PPIP5K2: variants seen among roughly 807,000 people sequenced by gnomAD.
The protein encoded by PPIP5K2 is inositol hexakisphosphate and diphosphoinositol-pentakisphosphate kinase 2.
PPIP5K2 carries 105 observed loss-of-function variants against 154.6 expected under a neutral mutation model. The ratio of observed to expected loss-of-function variants is 0.68; its 90% CI spans 0.58 to 0.80. PPIP5K2 has a LOEUF of 0.80. PPIP5K2 is among the 30% of genes least tolerant of loss of function. The probability of loss-of-function intolerance (pLI) is 0.00; values close to 1 mark genes in which losing one functional copy is unlikely to be tolerated. For missense variants in PPIP5K2, 992 were observed against 1,504.6 expected, an observed-to-expected ratio of 0.66 and a Z score of 5.64; for synonymous variants, 480 against 490.3, an observed-to-expected ratio of 0.98 and a Z score of 0.28.
At chr5:103,170,282 C>T (rs1331318691) in intron 19 of PPIP5K2, among the ~76,000 whole-genome samples, 2 of 151,444 alleles carry the variant, frequency 1.3e-5, no homozygotes, top group African/African-American at 2.4e-5. Flanking sequence ...TAGTATGTTA[C>T]GAAGGAGTTG....
At chr5:103,181,645 T>C (rs1232068831) in intron 24 of PPIP5K2, among the ~76,000 whole-genome samples, 2 of 151,900 alleles carry the variant, frequency 1.3e-5, no homozygotes, top group Non-Finnish European at 2.9e-5. Flanking sequence ...AGGAAGAAAT[T>C]AAGATAGAAC....
chr5:103,212,150 A>C lies in PPIP5K2; in HGVS notation c.*10516A>C, dbSNP rs781935728. On this transcript the variant is annotated 3_prime_UTR_variant, in exon 31 of 31. Transcript: ENST00000358359. The stretch of plus-strand genomic sequence containing the variant: ...TGCTGGAATTGGGCTCCATTCACAA[A>C]GGAGGGAGCAGGAAAGGGTTTCTCT... 28 of 152,122 alleles carry C rather than the reference A, an allele frequency of 1.8e-4. No homozygotes were observed. Among genetic ancestry groups the C allele is most frequent in the Non-Finnish European group, 3.4e-4 (23 of 68,004 alleles). The allele number at this position is 152,122 out of a possible 1,614,324, so 9.4% of individuals were successfully genotyped here.
At chr5:103,186,151 A>G (rs1307160495) in intron 26 of PPIP5K2, among the ~76,000 whole-genome samples, 169 bp from the exon 27 acceptor site, 1 of 152,140 alleles carries the variant, frequency 6.6e-6, no homozygotes, top group African/African-American at 2.4e-5. Context: ...GAAGTATTGT[A>G]TTAAAACTGA....
In PPIP5K2 at chr5:103,202,899, T is replaced by C. The variant is rs782511766; in HGVS notation, c.*1265T>C. 2.6e-5 allele frequency: 4 copies of C among 152,546 alleles called. No individual in the cohort carries two copies. Among genetic ancestry groups the C allele is most frequent in the African/African-American group, 2.4e-5 (1 of 41,450 alleles). The allele number at this position is 152,546 out of a possible 1,614,324, so 9.4% of individuals were successfully genotyped here. A position where few individuals can be genotyped will look rare whatever the true frequency, so the allele number is the denominator to read the frequency against. ...ATTTCCCATGGTATGAATATAACTA[T>C]TGTAATTCTTCAAATGAGACTCTTC... On this transcript the variant is annotated 3_prime_UTR_variant, in exon 31 of 31. Coordinates refer to ENST00000358359, the MANE Select transcript of PPIP5K2 (RefSeq NM_001276277.3).
intron 21 of PPIP5K2, chr5:103,177,027 G>A (rs2149722003): frequency 3.1e-6 from 2 of 652,056 alleles, no homozygotes; most frequent in East Asian, 6.3e-5. Flanking sequence ...ATGATGGTGG[G>A]AAAAAATGGC....
intron 17 of PPIP5K2, among the ~76,000 whole-genome samples, chr5:103,165,709 A>G (rs1012813780): frequency 6.6e-6 from 1 of 152,130 alleles, no homozygotes; most frequent in Non-Finnish European, 1.5e-5. Context: ...ATACAAATGG[A>G]TAACTCGTTT....
intron 21 of PPIP5K2, among the ~76,000 whole-genome samples, chr5:103,176,477 G>A (rs1002056947): frequency 5.3e-5 from 8 of 151,392 alleles, no homozygotes; most frequent in African/African-American, 1.5e-4. Flanking sequence ...ATGCATGTGC[G>A]CACACACACA....
intron 28 of PPIP5K2, among the ~76,000 whole-genome samples, chr5:103,189,545 GC>G (rs1334684862): frequency 6.6e-6 from 1 of 152,062 alleles, no homozygotes; most frequent in Non-Finnish European, 1.5e-5. Context: ...AGTTGTGCAA[GC>G]CTAATTTCTT....
chr5:103,128,541 G>A (rs1790098084), intron 1 of PPIP5K2, among the ~76,000 whole-genome samples: 1 of 152,026 alleles, frequency 6.6e-6, no homozygotes, highest in East Asian at 1.9e-4. Context: ...CAAGTAGCTG[G>A]GATTACAGGT....
intron 30 of PPIP5K2, among the ~76,000 whole-genome samples, chr5:103,197,871 C>G (rs1802360927): frequency 6.6e-6 from 1 of 151,564 alleles, no homozygotes; most frequent in Non-Finnish European, 1.5e-5. Context: ...AGCCACCGCA[C>G]CCAGCCTTAA....
Position 103,173,954 on chromosome 5 carries a change from C to T in PPIP5K2, c.2511C>T (p.Arg837=), listed in dbSNP as rs782510080. The T allele has an allele frequency of 1.9e-6, 3 of 1,590,700 alleles. No homozygotes were observed. Among genetic ancestry groups the T allele is most frequent in the African/African-American group, 2.7e-5 (2 of 74,316 alleles). The change falls in exon 21 of 31, where the codon CGC becomes CGT. Residue 837 remains arginine (R), a synonymous_variant. Coordinates refer to ENST00000358359, the MANE Select transcript of PPIP5K2 (RefSeq NM_001276277.3). ...SHVHSLLSIL[R]YGALCNESKD... is the part of the protein sequence containing the mutation. ...TACATTCTTTGCTGTCTATTCTTCG[C>T]TATGGTGCCTTATGCAATGTAAGTA...
At chr5:103,189,160 T>C (rs1554226083) in intron 28 of PPIP5K2, 1 of 1,523,254 alleles carries the variant, frequency 6.6e-7, no homozygotes, top group South Asian at 1.2e-5. Context: ...TCTGGGCCTC[T>C]GTGCAGAACA....
At chr5:103,156,114 A>C in intron 14 of PPIP5K2, 120 bp downstream of exon 14, 1 of 622,692 alleles carries the variant, frequency 1.6e-6, no homozygotes, top group South Asian at 2.3e-5. Context: ...GAGGAAAAAT[A>C]AAGTGGAATT....
chr5:103,142,641 T>G (rs1351742367), intron 5 of PPIP5K2, among the ~76,000 whole-genome samples: 3 of 152,102 alleles, frequency 2.0e-5, no homozygotes, highest in African/African-American at 7.2e-5. Flanking sequence ...CCGGGTGTGG[T>G]GGCGGGCGCC....
chr5:103,150,758 G>A (rs1469004469), intron 8 of PPIP5K2, among the ~76,000 whole-genome samples: 1 of 150,616 alleles, frequency 6.6e-6, no homozygotes, highest in Admixed American at 6.6e-5. Flanking sequence ...GTGACAGAGC[G>A]ACACTACCTC....
chr5:103,155,888 G>A (rs1562428488), intron 13 of PPIP5K2, 21 bp from the exon 14 acceptor site: 1 of 1,477,420 alleles, frequency 6.8e-7, no homozygotes, highest in South Asian at 1.1e-5. Context: ...GTTCTATTCT[G>A]TTTATCATTT....
rs1803287397 is a variant in PPIP5K2, at chr5:103,203,446, T to G, written c.*1812T>G. 1 of 152,212 alleles carries G rather than the reference T, an allele frequency of 6.6e-6. No homozygotes were observed. The highest frequency in any genetic ancestry group is 1.5e-5 in the Non-Finnish European group (1 of 68,036). The allele number at this position is 152,212 out of a possible 1,614,324, so 9.4% of individuals were successfully genotyped here. On this transcript the variant is annotated 3_prime_UTR_variant, in exon 31 of 31. Transcript: ENST00000358359. ...TAGTCACCAAACTCAGTAGTATTGCTCTGTAGACTAGACACTCTATTTGTA... is the reference window on the plus strand; with the variant it reads ...TAGTCACCAAACTCAGTAGTATTGCGCTGTAGACTAGACACTCTATTTGTA...
intron 30 of PPIP5K2, among the ~76,000 whole-genome samples, chr5:103,200,192 C>T (rs1408929239): frequency 2.0e-5 from 3 of 152,108 alleles, no homozygotes; most frequent in Non-Finnish European, 4.4e-5. Flanking sequence ...TAGCTGGGCT[C>T]CTTGGACTTT....
At chr5:103,144,787 A>G (rs1046114835) in intron 5 of PPIP5K2, among the ~76,000 whole-genome samples, 1 of 152,152 alleles carries the variant, frequency 6.6e-6, no homozygotes, top group African/African-American at 2.4e-5. Flanking sequence ...ACTTAAATCT[A>G]AGACCTGAAG....
Sources: allele counts gnomAD v4.1 joint callset (sites outside exome capture counted in the v4.1 genomes callset), GRCh38; gene constraint gnomAD v4.1.1; transcripts MANE v1.5; gene names NCBI Gene and HGNC (gene_info 2026-07-23, HGNC 2026-07-21).